LINGO2: variants seen among roughly 807,000 people sequenced by gnomAD.
The protein encoded by LINGO2 is leucine-rich repeat and immunoglobulin-like domain-containing nogo receptor-interacting protein 2.
A neutral mutation model predicts 30.6 loss-of-function variants in LINGO2; 14 were observed. The observed-to-expected ratio is 0.46, with a 90% CI of 0.30 to 0.72. LINGO2 has a LOEUF of 0.72. Among genes scored for constraint, LINGO2 ranks in the 30% least tolerant of loss-of-function variants. The probability of loss-of-function intolerance (pLI) is 0.07; values close to 1 mark genes in which losing one functional copy is unlikely to be tolerated. For missense variants in LINGO2, 729 were observed against 751.7 expected, an observed-to-expected ratio of 0.97 and a Z score of 0.35; for synonymous variants, 317 against 288.5, an observed-to-expected ratio of 1.10 and a Z score of -1.00.
intron 4 of LINGO2, among the ~76,000 whole-genome samples, chr9:28,034,907 AGT>A (rs1379337978): frequency 8.5e-5 from 13 of 152,246 alleles, no homozygotes; most frequent in African/African-American, 3.1e-4. Flanking sequence ...TTGCTAATAA[AGT>A]GTGAGTTGCA....
At chr9:28,356,679 C>T (rs756831010) in intron 3 of LINGO2, among the ~76,000 whole-genome samples, 20 of 152,118 alleles carry the variant, frequency 1.3e-4, no homozygotes, top group Non-Finnish European at 2.8e-4. Context: ...ATCCCTTTTA[C>T]CATATTTCTA....
intron 1 of LINGO2, among the ~76,000 whole-genome samples, chr9:28,489,020 G>A (rs1304835851): frequency 1.3e-5 from 2 of 152,156 alleles, no homozygotes; most frequent in South Asian, 2.1e-4. Flanking sequence ...TATTGAGACC[G>A]AGGCTTCAAG....
the LINGO2 span, among the ~76,000 whole-genome samples, chr9:29,026,928 AG>A: frequency 6.7e-6 from 1 of 149,422 alleles, no homozygotes; most frequent in African/African-American, 2.4e-5. Context: ...TCCATTACTT[AG>A]GATAAATATA....
intron 1 of LINGO2, among the ~76,000 whole-genome samples, chr9:28,657,232 T>G (rs1487594846): frequency 1.3e-5 from 2 of 152,076 alleles, no homozygotes; most frequent in Non-Finnish European, 2.9e-5. Flanking sequence ...AGTGTATAAT[T>G]TAATTGGCAT....
chr9:28,497,635 G>C (rs531384347), intron 1 of LINGO2, among the ~76,000 whole-genome samples: 3 of 151,988 alleles, frequency 2.0e-5, no homozygotes. Context: ...AAGTTTGATT[G>C]TCTAAAGCCT....
intron 4 of LINGO2, among the ~76,000 whole-genome samples, chr9:28,048,331 CAA>C (rs1304681457): frequency 7.3e-5 from 11 of 150,784 alleles, no homozygotes; most frequent in African/African-American, 2.7e-4. Context: ...TTTTGTATAA[CAA>C]TAACTAAAAT....
At chr9:27,970,739 T>C (rs1820314515) in intron 5 of LINGO2, among the ~76,000 whole-genome samples, 1 of 152,122 alleles carries the variant, frequency 6.6e-6, no homozygotes, top group South Asian at 2.1e-4. Flanking sequence ...ATCAACATTG[T>C]TCTAATTGGC....
chr9:28,820,971 GT>G, the LINGO2 span, among the ~76,000 whole-genome samples: 1 of 152,204 alleles, frequency 6.6e-6, no homozygotes. Context: ...GCTTTTTGAT[GT>G]TTCTGTCACA....
At chr9:27,941,798 A>G in the LINGO2 span, 1 of 151,882 alleles carries the variant, frequency 6.6e-6, no homozygotes, top group African/African-American at 2.4e-5. Context: ...ACACTAGACA[A>G]TTTTCTCTTT....
exon 6 of LINGO2, chr9:27,949,843 G>A: frequency 6.2e-7 from 1 of 1,614,114 alleles, no homozygotes; most frequent in Non-Finnish European, 8.5e-7. Context: ...AGGTTAAGGT[G>A]AGTCAGGTAT....
the LINGO2 span, among the ~76,000 whole-genome samples, chr9:29,023,452 A>G: frequency 6.6e-6 from 1 of 152,128 alleles, no homozygotes; most frequent in African/African-American, 2.4e-5. Context: ...AAATTAAATA[A>G]TAAATATAAA....
the LINGO2 span, among the ~76,000 whole-genome samples, chr9:29,156,573 G>T: frequency 6.6e-6 from 1 of 152,014 alleles, no homozygotes; most frequent in African/African-American, 2.4e-5. Context: ...AATAAATAAG[G>T]CTAAAATTCT....
chr9:28,657,191 A>C (rs951519242), intron 1 of LINGO2, among the ~76,000 whole-genome samples: 1 of 152,250 alleles, frequency 6.6e-6, no homozygotes, highest in African/African-American at 2.4e-5. Flanking sequence ...TAATATATAT[A>C]TAACAAAATT....
chr9:28,128,522 A>G (rs771015260), intron 4 of LINGO2, among the ~76,000 whole-genome samples: 4 of 152,188 alleles, frequency 2.6e-5, no homozygotes, highest in Non-Finnish European at 4.4e-5. Context: ...CATGGTTCTA[A>G]GTCTGGACAT....
chr9:28,972,554 T>C, the LINGO2 span, among the ~76,000 whole-genome samples: 1 of 152,038 alleles, frequency 6.6e-6, no homozygotes, highest in Non-Finnish European at 1.5e-5. Flanking sequence ...ATAGCAGAAT[T>C]GATCAAGCAG....
chr9:28,194,166 G>C (rs1819925734), intron 4 of LINGO2, among the ~76,000 whole-genome samples: 1 of 151,974 alleles, frequency 6.6e-6, no homozygotes, highest in Non-Finnish European at 1.5e-5. Context: ...ATACTGTCGT[G>C]GCCATCTTTG....
At chr9:28,424,825 G>A (rs1009782045) in intron 2 of LINGO2, among the ~76,000 whole-genome samples, 1 of 152,064 alleles carries the variant, frequency 6.6e-6, no homozygotes, top group Non-Finnish European at 1.5e-5. Flanking sequence ...GACATAAGAG[G>A]CAGTGTTGTG....
chr9:28,568,327 G>A (rs773696395), intron 1 of LINGO2, among the ~76,000 whole-genome samples: 3 of 151,998 alleles, frequency 2.0e-5, no homozygotes, highest in Non-Finnish European at 4.4e-5. Context: ...TCTACTTGTG[G>A]GTAGAGGGTG....
At chr9:28,795,823 A>G in the LINGO2 span, among the ~76,000 whole-genome samples, 139 of 152,152 alleles carry the variant, frequency 9.1e-4, no homozygotes, top group African/African-American at 3.1e-3. Flanking sequence ...TTACTAACAT[A>G]TCAGAAGGAA....
Sources: gnomAD v4.1 joint callset for allele counts (sites outside exome capture counted in the v4.1 genomes callset) on GRCh38, gnomAD v4.1.1 for gene constraint, MANE v1.5 for transcripts, NCBI Gene and HGNC (gene_info 2026-07-23, HGNC 2026-07-21) for gene names.